Variants in MYCBP2 observed in about 807,000 individuals in gnomAD.
MYCBP2 encodes the protein E3 ubiquitin-protein ligase MYCBP2.
A neutral mutation model predicts 525.3 loss-of-function variants in MYCBP2; 120 were observed. The observed-to-expected ratio is 0.23, with a 90% CI of 0.20 to 0.27. The LOEUF (loss-of-function observed/expected upper bound fraction) is 0.27, where lower values mean the gene tolerates loss of function less well. Among genes scored for constraint, MYCBP2 ranks in the 10% least tolerant of loss-of-function variants. The pLI, the probability that MYCBP2 is intolerant of heterozygous loss-of-function variation, is 1.00. For synonymous variants in MYCBP2, 1,894 were observed against 1,955.8 expected (o/e 0.97, Z 0.83); for missense variants, 4,149 against 5,657.1 (o/e 0.73, Z 8.55).
At chr13:77,270,086 T>C (rs1397300834) in intron 6 of MYCBP2, 23 bp from the exon 7 acceptor site, 5 of 1,574,910 alleles carry the variant, frequency 3.2e-6, no homozygotes, top group East Asian at 2.2e-5. Flanking sequence ...CAAAAGTTAG[T>C]ATATCAGTGG....
chr13:77,107,022 T>C (rs1233012447), intron 55 of MYCBP2, among the ~76,000 whole-genome samples: 2 of 152,176 alleles, frequency 1.3e-5, no homozygotes, highest in African/African-American at 4.8e-5. Context: ...TTTATGTATT[T>C]ATATATATTT....
intron 82 of MYCBP2, 33 bp downstream of exon 82, chr13:77,050,964 C>T (rs1405237075): frequency 6.4e-7 from 1 of 1,563,638 alleles, no homozygotes; most frequent in Non-Finnish European, 8.7e-7. Flanking sequence ...GTATATAGAT[C>T]ATAATCGTGA....
At position 77,194,225 on chromosome 13, in the gene MYCBP2, T is replaced by A; in HGVS notation, c.3863A>T (p.Asp1288Val). ...ACCATCAGTTTCATGATCTCCTCCA[T>A]CAGGACCCAATTCAAACAGCTAAGG... Reference protein sequence around the residue: ...AKIKLFELGPDGGDHETDGDL... With the variant: ...AKIKLFELGPVGGDHETDGDL... Residue 1288 changes from aspartate (D) to valine (V), a missense_variant, in exon 27 of 83, where the codon GAT becomes GTT. By Grantham distance (152) the Asp-to-Val change is radical (BLOSUM62 -3). Coordinates refer to ENST00000544440, the MANE Select transcript of MYCBP2 (RefSeq NM_015057.5). 6.2e-7 allele frequency: 1 copy of A among 1,613,158 alleles called. No individual in the cohort carries two copies. The highest frequency in any genetic ancestry group is 8.5e-7 in the Non-Finnish European group (1 of 1,179,312).
rs781236587 is a variant in MYCBP2, at chr13:77,125,440, T to A, written c.7913A>T (p.Gln2638Leu). ...CTCTACCATGCTGTTCTGATCCAGT[T>A]GCACCCATGTCCCTTCAGAATTGGT... ...EVTNSEGTWV[Q>L]LDQNSMVEFC... is the part of the protein sequence containing the mutation. Residue 2638 changes from glutamine to leucine, a missense_variant, in exon 54 of 83, where the codon CAA becomes CTA. Gln to Leu is a moderately radical substitution (Grantham distance 113). Coordinates refer to ENST00000544440, the MANE Select transcript of MYCBP2 (RefSeq NM_015057.5). 6.2e-7 allele frequency: 1 copy of A among 1,613,908 alleles called. No individual in the cohort carries two copies. The highest frequency in any genetic ancestry group is 8.5e-7 in the Non-Finnish European group (1 of 1,179,824).
At chr13:77,192,217 G>C (rs1465221014) in intron 27 of MYCBP2, among the ~76,000 whole-genome samples, 1 of 152,208 alleles carries the variant, frequency 6.6e-6, no homozygotes, top group Non-Finnish European at 1.5e-5. Flanking sequence ...CTGGAGTCAG[G>C]CAGCCTGGGT....
intron 17 of MYCBP2, among the ~76,000 whole-genome samples, chr13:77,233,861 A>AGAGAGAGAGAGAGAAC (rs1491185766): frequency 6.9e-6 from 1 of 144,700 alleles, no homozygotes; most frequent in African/African-American, 2.5e-5. Context: ...GTATACACAC[A>AGAGAGAGAGAGAGAAC]GAGAGAGAGA....
At chr13:77,311,434 C>T (rs560954930) in intron 1 of MYCBP2, among the ~76,000 whole-genome samples, 63 of 152,124 alleles carry the variant, frequency 4.1e-4, no homozygotes, top group Non-Finnish European at 7.9e-4. Flanking sequence ...AACCCTAAGA[C>T]GATGCACATG....
intron 2 of MYCBP2, among the ~76,000 whole-genome samples, chr13:77,292,035 C>T (rs752692386): frequency 4.6e-5 from 7 of 152,202 alleles, no homozygotes; most frequent in Non-Finnish European, 8.8e-5. Flanking sequence ...ACAATGTGTA[C>T]CTGAGTTTCA....
intron 55 of MYCBP2, among the ~76,000 whole-genome samples, chr13:77,120,600 T>C (rs2050526181): frequency 6.6e-6 from 1 of 152,314 alleles, no homozygotes; most frequent in Admixed American, 6.5e-5. Flanking sequence ...CCCAGCTGTA[T>C]GTTACCTGTG....
At chr13:77,306,312 AG>A (rs775468509) in intron 1 of MYCBP2, among the ~76,000 whole-genome samples, 66 of 152,346 alleles carry the variant, frequency 4.3e-4, no homozygotes, top group Non-Finnish European at 8.8e-4. Flanking sequence ...TGAATAAATT[AG>A]GGAGGAATAG....
chr13:77,253,194 G>A (rs1290723878), intron 14 of MYCBP2, among the ~76,000 whole-genome samples: 1 of 151,796 alleles, frequency 6.6e-6, no homozygotes, highest in African/African-American at 2.4e-5. Context: ...TTGAAGAGAT[G>A]TTCAAACTCA....
At chr13:77,243,011 G>C in intron 17 of MYCBP2, 48 bp downstream of exon 17, 2 of 1,502,580 alleles carry the variant, frequency 1.3e-6, no homozygotes, top group Non-Finnish European at 1.9e-6. Context: ...TCAGGATAGG[G>C]TAGGAAAGTG....
chr13:77,315,312 A>G (rs1461334026), intron 1 of MYCBP2, among the ~76,000 whole-genome samples: 1 of 152,186 alleles, frequency 6.6e-6, no homozygotes, highest in East Asian at 1.9e-4. Context: ...AGACGAGGAT[A>G]ACTAATTCTA....
chr13:77,095,067 G>A (rs1451278111), intron 58 of MYCBP2, among the ~76,000 whole-genome samples: 1 of 152,136 alleles, frequency 6.6e-6, no homozygotes, highest in Non-Finnish European at 1.5e-5. Flanking sequence ...CGCACTAACA[G>A]AGTGAAGTCA....
At chr13:77,245,101 C>T (rs921844958) in intron 15 of MYCBP2, among the ~76,000 whole-genome samples, 6 of 152,056 alleles carry the variant, frequency 3.9e-5, no homozygotes, top group African/African-American at 1.2e-4. Flanking sequence ...AAAGTCAGGA[C>T]ACAACAGATT....
At chr13:77,205,916 C>T (rs2063274487) in intron 24 of MYCBP2, among the ~76,000 whole-genome samples, 2 of 152,076 alleles carry the variant, frequency 1.3e-5, no homozygotes, top group South Asian at 2.1e-4. Context: ...TCTTAAAGTG[C>T]TATTTGAGGA....
At chr13:77,250,718 A>G (rs2071053754) in intron 15 of MYCBP2, among the ~76,000 whole-genome samples, 1 of 152,238 alleles carries the variant, frequency 6.6e-6, no homozygotes, top group African/African-American at 2.4e-5. Context: ...AAATTTATAA[A>G]TGGTACATTT....
intron 55 of MYCBP2, chr13:77,109,969 T>C (rs1310238044): frequency 2.0e-5 from 3 of 152,202 alleles, no homozygotes; most frequent in East Asian, 3.9e-4. Flanking sequence ...AAGCTGAGAA[T>C]GTACGTCACC....
rs1028026754 is a variant in MYCBP2, at chr13:77,059,413, A to C, written c.13140+110T>G. The C allele has an allele frequency of 1.4e-5, 11 of 802,590 alleles. No individual in the cohort carries two copies. In the Admixed American group the frequency reaches 2.1e-4, roughly 15 times the overall value. The allele number at this position is 802,590 out of a possible 1,614,324, so 49.7% of individuals were successfully genotyped here. On this transcript the variant is annotated intron_variant, in intron 77 of 82. Transcript: ENST00000544440. Reference sequence around the variant, plus strand: ...ATTTGATGCTTCACATAGGTAATACACTCATTTAGGAAGCTGGAGTGACGC... The same window carrying C: ...ATTTGATGCTTCACATAGGTAATACCCTCATTTAGGAAGCTGGAGTGACGC...
Sources: allele counts gnomAD v4.1 joint callset (sites outside exome capture counted in the v4.1 genomes callset), GRCh38; gene constraint gnomAD v4.1.1; transcripts MANE v1.5; gene names NCBI Gene and HGNC (gene_info 2026-07-23, HGNC 2026-07-21).